DIAPH2: variants seen among roughly 807,000 people sequenced by gnomAD.
The protein encoded by DIAPH2 is diaphanous related formin 2.
A neutral mutation model predicts 92.7 loss-of-function variants in DIAPH2; 35 were observed. That is an observed-to-expected ratio of 0.38 (90% CI 0.29 to 0.50). DIAPH2 has a LOEUF of 0.50. DIAPH2 is among the 20% of genes least tolerant of loss of function. DIAPH2 has a pLI of 0.94. For missense variants in DIAPH2, 701 were observed against 819.5 expected (o/e 0.86, Z 1.77); for synonymous variants, 301 against 280.4 (o/e 1.07, Z -0.73).
chrX:97,473,406 C>T (rs1386198935), intron 26 of DIAPH2, among the ~76,000 whole-genome samples: 1 of 111,661 alleles, frequency 9.0e-6, no homozygotes, highest in African/African-American at 3.3e-5. Flanking sequence ...GTAATCTCTG[C>T]TCACTGCAAC....
chrX:96,725,352 C>T (rs1602456474), intron 1 of DIAPH2, among the ~76,000 whole-genome samples: 1 of 111,442 alleles, frequency 9.0e-6, no homozygotes, highest in East Asian at 2.8e-4. Flanking sequence ...GAATCTGAAG[C>T]CCATTGGGGG....
intron 17 of DIAPH2, among the ~76,000 whole-genome samples, chrX:97,009,606 A>T (rs1442750285): frequency 1.8e-5 from 2 of 112,546 alleles, no homozygotes; most frequent in South Asian, 7.4e-4. Context: ...TACCACTGCT[A>T]ACTACTTAGT....
intron 22 of DIAPH2, among the ~76,000 whole-genome samples, chrX:97,223,719 G>A (rs906275100): frequency 1.8e-5 from 2 of 111,211 alleles, no homozygotes; most frequent in East Asian, 5.6e-4. Flanking sequence ...ATTTAAATTA[G>A]TAATATCCTA....
chrX:96,822,990 T>A, intron 4 of DIAPH2, among the ~76,000 whole-genome samples: 1 of 111,915 alleles, frequency 8.9e-6, no homozygotes, highest in Admixed American at 9.5e-5. Flanking sequence ...TGGGCTTGTA[T>A]GAATGTGGAT....
At chrX:97,145,282 C>CAGTAGTAGT (rs3044923) in intron 22 of DIAPH2, among the ~76,000 whole-genome samples, 21,706 of 91,843 alleles carry the variant, frequency 0.24, 2,136 homozygotes, top group East Asian at 0.43. Flanking sequence ...GAACTACTAC[C>CAGTAGTAGT]AGTAGTAGTA....
At chrX:96,868,716 A>T (rs1335792826) in intron 4 of DIAPH2, among the ~76,000 whole-genome samples, 1 of 111,592 alleles carries the variant, frequency 9.0e-6, no homozygotes, top group African/African-American at 3.3e-5. Flanking sequence ...GTGAGGATAT[A>T]TCATCGCTTA....
intron 24 of DIAPH2, among the ~76,000 whole-genome samples, chrX:97,365,682 CT>C (rs1196412940): frequency 1.3e-4 from 14 of 104,316 alleles, no homozygotes; most frequent in East Asian, 6.0e-4. Context: ...TTCTTTCTTT[CT>C]TTTTTTTTTC....
chrX:96,878,178 T>C (rs1170791181), intron 4 of DIAPH2, among the ~76,000 whole-genome samples: 1 of 112,233 alleles, frequency 8.9e-6, no homozygotes, highest in Non-Finnish European at 1.9e-5. Context: ...AATATTTTCT[T>C]GCACCATATT....
intron 24 of DIAPH2, among the ~76,000 whole-genome samples, chrX:97,380,227 T>A (rs1408832520): frequency 9.0e-6 from 1 of 111,589 alleles, no homozygotes; most frequent in African/African-American, 3.3e-5. Context: ...GACTTTTTTC[T>A]GTAAACATAT....
intron 4 of DIAPH2, among the ~76,000 whole-genome samples, chrX:96,759,292 T>A (rs73250733): frequency 0.011 from 1,239 of 111,925 alleles, 11 homozygotes; most frequent in Middle Eastern, 0.051. Context: ...TTGCCATGAA[T>A]TCTACGATTG....
At chrX:96,988,049 C>T (rs2066043950) in intron 17 of DIAPH2, among the ~76,000 whole-genome samples, 3 of 109,559 alleles carry the variant, frequency 2.7e-5, no homozygotes, top group East Asian at 5.7e-4. Context: ...TAATAATGTT[C>T]AGTAAATTCA....
intron 26 of DIAPH2, among the ~76,000 whole-genome samples, chrX:97,518,158 T>C (rs964195308): frequency 8.9e-6 from 1 of 112,313 alleles, no homozygotes; most frequent in African/African-American, 3.2e-5. Flanking sequence ...GAAGTCCTGC[T>C]CACTGCCATG....
intron 26 of DIAPH2, among the ~76,000 whole-genome samples, chrX:97,441,687 A>G (rs1181191885): frequency 9.0e-6 from 1 of 111,545 alleles, no homozygotes; most frequent in East Asian, 2.8e-4. Flanking sequence ...GTGGTGGCAC[A>G]TGCCTGTAAT....
chrX:97,291,758 G>A (rs976378391), intron 23 of DIAPH2, among the ~76,000 whole-genome samples: 2 of 110,492 alleles, frequency 1.8e-5, no homozygotes, highest in African/African-American at 6.6e-5. Context: ...GGCTGGTCTC[G>A]AACGCATGAC....
At position 96,974,740 on chromosome X, in the gene DIAPH2, C is replaced by T. The variant is rs773506236; in HGVS notation, c.2050+9533C>T. On this transcript the variant is annotated intron_variant, in intron 17 of 26. Coordinates refer to ENST00000324765, the MANE Select transcript of DIAPH2 (RefSeq NM_006729.5). ...TTGATGATATTTGGGGGCATAGAAT[C>T]ATCAAGGCTAGAATGGTAGTGTCAC... Among the ~76,000 whole-genome samples, 4 of 111,148 alleles carry T rather than the reference C, an allele frequency of 3.6e-5. No individual in the cohort carries two copies. In the South Asian group the frequency reaches 1.5e-3, roughly 42 times the overall value.
chrX:97,477,883 T>C (rs2070623165), intron 26 of DIAPH2, among the ~76,000 whole-genome samples: 1 of 111,436 alleles, frequency 9.0e-6, no homozygotes, highest in Non-Finnish European at 1.9e-5. Context: ...AAGTGAAGTG[T>C]GGGACTACTA....
intron 23 of DIAPH2, among the ~76,000 whole-genome samples, chrX:97,313,141 C>T (rs1446452786): frequency 2.7e-5 from 3 of 110,727 alleles, no homozygotes; most frequent in East Asian, 2.9e-4. Context: ...TCCGAGATCG[C>T]GCCACTGCAC....
At chrX:97,070,157 CAAATT>C (rs1041024449) in intron 17 of DIAPH2, among the ~76,000 whole-genome samples, 1 of 111,036 alleles carries the variant, frequency 9.0e-6, no homozygotes, top group African/African-American at 3.3e-5. Context: ...TTTACACACT[CAAATT>C]AATTCAATAT....
intron 22 of DIAPH2, among the ~76,000 whole-genome samples, chrX:97,198,306 A>G (rs866096967): frequency 9.4e-6 from 1 of 106,071 alleles, no homozygotes; most frequent in Non-Finnish European, 1.9e-5. Flanking sequence ...ACACACACAT[A>G]TGTGTATATA....
Sources: allele counts gnomAD v4.1 joint callset (sites outside exome capture counted in the v4.1 genomes callset), GRCh38; gene constraint gnomAD v4.1.1; transcripts MANE v1.5; gene names NCBI Gene and HGNC (gene_info 2026-07-23, HGNC 2026-07-21).